Variants in SYN2 observed in about 807,000 individuals in gnomAD.
The protein encoded by SYN2 is synapsin-2.
A neutral mutation model predicts 50.9 loss-of-function variants in SYN2; 19 were observed. The observed-to-expected ratio is 0.37, with a 90% CI of 0.26 to 0.55. The LOEUF is 0.55. Among genes scored for constraint, SYN2 ranks in the 20% least tolerant of loss-of-function variants. The pLI is 0.81. For synonymous variants in SYN2, 255 were observed against 224.9 expected (o/e 1.13, Z -1.20); for missense variants, 587 against 576.4 (o/e 1.02, Z -0.19).
intron 9 of SYN2, among the ~76,000 whole-genome samples, chr3:12,169,186 A>G (rs868431194): frequency 3.9e-5 from 6 of 152,294 alleles, no homozygotes; most frequent in Non-Finnish European, 2.9e-5. Context: ...AAGTTGGACT[A>G]TGGAGTCTGT....
intron 1 of SYN2, among the ~76,000 whole-genome samples, chr3:12,027,159 A>C (rs1694279079): frequency 6.6e-6 from 1 of 152,196 alleles, no homozygotes; most frequent in South Asian, 2.1e-4. Flanking sequence ...CTCCTGTGTG[A>C]AAAATTAGAG....
intron 1 of SYN2, among the ~76,000 whole-genome samples, chr3:12,138,571 A>G (rs1002215784): frequency 3.3e-5 from 5 of 152,192 alleles, no homozygotes; most frequent in South Asian, 2.1e-4. Context: ...TGATTTGGGC[A>G]TGTTATTTAA....
At chr3:12,028,039 CACAG>C (rs1553608538) in intron 1 of SYN2, among the ~76,000 whole-genome samples, 7 of 60,688 alleles carry the variant, frequency 1.2e-4, no homozygotes, top group Admixed American at 2.8e-4. Context: ...CCCTCCCCAC[CACAG>C]TCCCCAGAGT....
chr3:12,153,751 G>A, intron 5 of SYN2: 3 of 1,606,260 alleles, frequency 1.9e-6, no homozygotes, highest in Non-Finnish European at 2.6e-6. Context: ...TGAGTAGGGT[G>A]TCCTTCTTTT....
At chr3:12,168,523 A>T (rs577143320) in intron 9 of SYN2, 45 bp downstream of exon 9, 4 of 1,529,734 alleles carry the variant, frequency 2.6e-6, no homozygotes, top group Non-Finnish European at 3.6e-6. Flanking sequence ...AAGGCTTAAG[A>T]ACTATGTGGG....
Position 12,044,181 on chromosome 3 carries a change from T to TCACA in SYN2, c.377+39292_377+39295dup, listed in dbSNP as rs1553610019. 5.7e-3 allele frequency among the ~76,000 whole-genome samples: 302 copies of TCACA among 53,372 alleles called. 1 individual carries two copies. The highest frequency in any genetic ancestry group is 0.015 in the South Asian group (19 of 1,282). 35.0% of individuals were successfully genotyped at this position (53,372 alleles called of 152,430 possible). A position where few individuals can be genotyped will look rare whatever the true frequency, so the allele number is the denominator to read the frequency against. ...AAAGTTCTCTCTCTCTCTCTCTCTCTCACACACACACACACACACACACAC... is the reference window on the plus strand; with the variant it reads ...AAAGTTCTCTCTCTCTCTCTCTCTCTCACACACACACACACACACACACACACAC... On this transcript the variant is annotated intron_variant, in intron 1 of 12. Transcript: ENST00000621198.
intron 7 of SYN2, among the ~76,000 whole-genome samples, chr3:12,166,649 A>G (rs1697805500): frequency 6.6e-6 from 1 of 152,246 alleles, no homozygotes; most frequent in Non-Finnish European, 1.5e-5. Context: ...CCCCAGAGTC[A>G]CATTGCTAAT....
At chr3:12,122,039 C>A (rs575382204) in intron 1 of SYN2, among the ~76,000 whole-genome samples, 1 of 152,280 alleles carries the variant, frequency 6.6e-6, no homozygotes, top group East Asian at 1.9e-4. Flanking sequence ...GGGTAACCTC[C>A]TTCATTTAAA....
rs563207481 is a variant in SYN2 at position 12,038,653 on chromosome 3, T to C, written c.377+33725T>C. On this transcript the variant is annotated intron_variant, in intron 1 of 12. Coordinates refer to ENST00000621198, the MANE Select transcript of SYN2 (RefSeq NM_133625.6). The stretch of plus-strand genomic sequence containing the variant: ...TTAAAATTCTTATTCCCAACAATTT[T>C]ATTCTTTTTGATGCTGTTGTAAATT... Among the ~76,000 whole-genome samples the C allele has an allele frequency of 1.7e-4, 26 of 152,314 alleles. No individual in the cohort carries two copies. In the East Asian group the frequency reaches 4.8e-3, roughly 28 times the overall value.
chr3:12,098,856 CATATATATATATAT>C (rs35420190), intron 1 of SYN2, among the ~76,000 whole-genome samples: 1 of 133,634 alleles, frequency 7.5e-6, no homozygotes, highest in Non-Finnish European at 1.6e-5. Flanking sequence ...AAAGCAAAAG[CATATATATATATAT>C]ATATATATAT....
intron 1 of SYN2, among the ~76,000 whole-genome samples, chr3:12,053,348 G>C (rs1486680085): frequency 2.0e-5 from 3 of 151,412 alleles, no homozygotes; most frequent in African/African-American, 7.3e-5. Flanking sequence ...TTGAACCTGG[G>C]AGGCGGAGGT....
At chr3:12,111,625 C>A (rs1696318017) in intron 1 of SYN2, among the ~76,000 whole-genome samples, 1 of 152,156 alleles carries the variant, frequency 6.6e-6, no homozygotes, top group African/African-American at 2.4e-5. Context: ...ACTTTTTAGA[C>A]CTTCCTCTAT....
intron 1 of SYN2, among the ~76,000 whole-genome samples, chr3:12,046,871 A>T (rs939423200): frequency 1.3e-5 from 2 of 152,146 alleles, no homozygotes; most frequent in Admixed American, 6.5e-5. Flanking sequence ...GATACGAGGA[A>T]CATTGAAGGA....
chr3:12,175,951 C>G (rs755039785), intron 10 of SYN2, among the ~76,000 whole-genome samples: 5 of 152,180 alleles, frequency 3.3e-5, no homozygotes, highest in Admixed American at 6.5e-5. Flanking sequence ...TGCCAGCTTG[C>G]GGGCTGCTGT....
At chr3:12,089,752 G>T (rs1695785155) in intron 1 of SYN2, among the ~76,000 whole-genome samples, 1 of 152,142 alleles carries the variant, frequency 6.6e-6, no homozygotes, top group South Asian at 2.1e-4. Flanking sequence ...GCATTGTCTA[G>T]GGGGAGTCAA....
chr3:12,145,171 G>A (rs1372737110), intron 3 of SYN2, among the ~76,000 whole-genome samples: 3 of 152,298 alleles, frequency 2.0e-5, no homozygotes, highest in South Asian at 2.1e-4. Flanking sequence ...GGTGACTGAC[G>A]TAGGAGAATC....
chr3:12,114,696 C>T (rs1273651129), intron 1 of SYN2, among the ~76,000 whole-genome samples: 1 of 152,004 alleles, frequency 6.6e-6, no homozygotes, highest in Non-Finnish European at 1.5e-5. Flanking sequence ...TGAAATTTTT[C>T]ATAAAAAAAT....
At chr3:12,165,840 C>A (rs1344921496) in intron 7 of SYN2, among the ~76,000 whole-genome samples, 1 of 152,192 alleles carries the variant, frequency 6.6e-6, no homozygotes, top group African/African-American at 2.4e-5. Flanking sequence ...TAGTTTGTTT[C>A]TTTGCCTTTC....
At chr3:12,045,808 G>C (rs1694725926) in intron 1 of SYN2, among the ~76,000 whole-genome samples, 1 of 152,166 alleles carries the variant, frequency 6.6e-6, no homozygotes, top group South Asian at 2.1e-4. Context: ...AAGCACAGGA[G>C]AGTACTATAT....
Sources: allele counts gnomAD v4.1 joint callset (sites outside exome capture counted in the v4.1 genomes callset), GRCh38; gene constraint gnomAD v4.1.1; transcripts MANE v1.5; gene names NCBI Gene and HGNC (gene_info 2026-07-23, HGNC 2026-07-21).